WDR70: variants seen among roughly 807,000 people sequenced by gnomAD.
WDR70 encodes the protein WD repeat-containing protein 70.
Under a neutral mutation model 88.6 loss-of-function variants are expected in WDR70, and 53 were observed. That is an observed-to-expected ratio of 0.60 (90% confidence interval 0.48 to 0.75). The LOEUF is 0.75. Ranked by LOEUF, WDR70 falls within the 30% of genes least tolerant of loss-of-function variation. The pLI is 0.00. For missense variants in WDR70, 610 were observed against 823.2 expected, an observed-to-expected ratio of 0.74 and a Z score of 3.17; for synonymous variants, 280 against 270.0, an observed-to-expected ratio of 1.04 and a Z score of -0.36.
At chr5:37,649,769 G>T (rs370751533) in intron 10 of WDR70, among the ~76,000 whole-genome samples, 1 of 107,462 alleles carries the variant, frequency 9.3e-6, no homozygotes, top group East Asian at 2.6e-4. Flanking sequence ...ACGGAGTCTC[G>T]CTCTGTCGCC....
intron 8 of WDR70, among the ~76,000 whole-genome samples, chr5:37,484,022 C>T (rs1013700848): frequency 7.9e-5 from 12 of 151,874 alleles, no homozygotes; most frequent in Admixed American, 5.2e-4. Flanking sequence ...ACGCTCCTCA[C>T]TTCCTAGACG....
intron 7 of WDR70, among the ~76,000 whole-genome samples, chr5:37,455,231 A>G (rs1738793705): frequency 7.1e-6 from 1 of 141,220 alleles, no homozygotes; most frequent in South Asian, 2.2e-4. Flanking sequence ...ACCTGTCCTG[A>G]TTTCTTTCTT....
chr5:37,679,617 C>T (rs1024912583), intron 10 of WDR70, among the ~76,000 whole-genome samples: 7 of 152,170 alleles, frequency 4.6e-5, no homozygotes, highest in African/African-American at 9.7e-5. Context: ...AGTACCCGGC[C>T]GTGTGAGGTG....
chr5:37,412,133 T>C (rs1041690229), intron 5 of WDR70, among the ~76,000 whole-genome samples: 1 of 152,150 alleles, frequency 6.6e-6, no homozygotes, highest in Non-Finnish European at 1.5e-5. Context: ...ATGTCTGTAA[T>C]CCCAGCACTT....
intron 13 of WDR70, among the ~76,000 whole-genome samples, chr5:37,703,911 T>C (rs762903596): frequency 1.3e-5 from 2 of 152,356 alleles, no homozygotes; most frequent in African/African-American, 4.8e-5. Context: ...AGTGCTCTTA[T>C]GTAGGTTTTT....
chr5:37,693,444 T>A (rs1746873860), intron 10 of WDR70, among the ~76,000 whole-genome samples: 1 of 152,206 alleles, frequency 6.6e-6, no homozygotes, highest in Non-Finnish European at 1.5e-5. Flanking sequence ...GGCATCATGC[T>A]ACCTGACTTC....
At chr5:37,750,460 C>T (rs554668995) in intron 17 of WDR70, among the ~76,000 whole-genome samples, 6 of 152,204 alleles carry the variant, frequency 3.9e-5, no homozygotes, top group South Asian at 2.1e-4. Flanking sequence ...CACTTGAGCC[C>T]GGAAGTTCAG....
chr5:37,677,193 A>G lies in WDR70; in HGVS notation c.1093-20462A>G, dbSNP rs371944612. On this transcript the variant is annotated intron_variant, in intron 10 of 17. Transcript: ENST00000265107. The stretch of plus-strand genomic sequence containing the variant: ...ATCCTTTCAAAAAATCAGCTCCTGG[A>G]TTCATTAATTTTTTGAAGGGTTTTT... Among the ~76,000 whole-genome samples the G allele has an allele frequency of 2.4e-4, 36 of 151,968 alleles. 2 individuals are homozygous for G. In the East Asian group the frequency reaches 6.8e-3, roughly 29 times the overall value.
At chr5:37,486,585 TC>T (rs1338516001) in intron 8 of WDR70, among the ~76,000 whole-genome samples, 1 of 152,176 alleles carries the variant, frequency 6.6e-6, no homozygotes, top group Non-Finnish European at 1.5e-5. Context: ...CCTCATGTGA[TC>T]CGCCTGCCTT....
chr5:37,411,382 A>G (rs1237738027), intron 5 of WDR70, among the ~76,000 whole-genome samples: 1 of 148,254 alleles, frequency 6.7e-6, no homozygotes, highest in East Asian at 1.9e-4. Context: ...CATTTCTGTC[A>G]TCTCTATAGT....
chr5:37,480,803 C>T (rs544939030), intron 8 of WDR70, among the ~76,000 whole-genome samples: 21 of 152,304 alleles, frequency 1.4e-4, no homozygotes, highest in Admixed American at 9.8e-4. Flanking sequence ...ACTCTTATTT[C>T]AGCATTAACT....
intron 10 of WDR70, among the ~76,000 whole-genome samples, chr5:37,696,675 GCGCGTGCA>G (rs1746992772): frequency 1.2e-5 from 1 of 86,234 alleles, no homozygotes; most frequent in Admixed American, 1.7e-4. Context: ...ACACACACAC[GCGCGTGCA>G]CACACACCTA....
intron 10 of WDR70, among the ~76,000 whole-genome samples, chr5:37,632,654 G>T (rs1371678989): frequency 6.6e-6 from 1 of 152,140 alleles, no homozygotes; most frequent in Non-Finnish European, 1.5e-5. Context: ...TATACAATGT[G>T]TGTTTTATGT....
intron 7 of WDR70, among the ~76,000 whole-genome samples, chr5:37,449,452 C>A (rs1297933920): frequency 1.3e-5 from 2 of 151,904 alleles, no homozygotes; most frequent in Non-Finnish European, 1.5e-5. Flanking sequence ...ATTAGCCGGG[C>A]ATGTTGGTGG....
intron 17 of WDR70, among the ~76,000 whole-genome samples, chr5:37,733,963 G>C (rs191170538): frequency 6.6e-6 from 1 of 151,746 alleles, no homozygotes; most frequent in East Asian, 1.9e-4. Context: ...ACTTATTTGT[G>C]TATGGAAATA....
At chr5:37,455,867 A>G (rs1235523447) in intron 7 of WDR70, among the ~76,000 whole-genome samples, 3 of 152,004 alleles carry the variant, frequency 2.0e-5, no homozygotes, top group Non-Finnish European at 4.4e-5. Flanking sequence ...GCCCCTTTGC[A>G]GTCAGTCCCT....
chr5:37,556,601 C>G (rs1029872203), intron 9 of WDR70, among the ~76,000 whole-genome samples: 1 of 152,192 alleles, frequency 6.6e-6, no homozygotes, highest in Non-Finnish European at 1.5e-5. Flanking sequence ...AGAGTACTAT[C>G]TCTTTTTAAT....
intron 3 of WDR70, among the ~76,000 whole-genome samples, chr5:37,384,598 T>G (rs1330850327): frequency 7.3e-6 from 1 of 136,856 alleles, no homozygotes; most frequent in African/African-American, 2.8e-5. Context: ...AGGCAGAGCT[T>G]GCAGTGAGCC....
At chr5:37,533,694 G>A (rs1741570026) in intron 9 of WDR70, among the ~76,000 whole-genome samples, 2 of 152,112 alleles carry the variant, frequency 1.3e-5, no homozygotes, top group African/African-American at 4.8e-5. Context: ...TGCTGTGGGG[G>A]ATGGGGGTGT....
Sources: gnomAD v4.1 joint callset for allele counts (sites outside exome capture counted in the v4.1 genomes callset) on GRCh38, gnomAD v4.1.1 for gene constraint, MANE v1.5 for transcripts, NCBI Gene and HGNC (gene_info 2026-07-23, HGNC 2026-07-21) for gene names.